CLN6: variants seen among roughly 807,000 people sequenced by gnomAD.
The protein encoded by CLN6 is ceroid-lipofuscinosis neuronal protein 6.
CLN6 carries 22 observed loss-of-function variants against 33.3 expected under a neutral mutation model. The ratio of observed to expected loss-of-function variants is 0.66; its 90% CI spans 0.47 to 0.94. The LOEUF (loss-of-function observed/expected upper bound fraction) is 0.94, where lower values mean the gene tolerates loss of function less well. Ranked by LOEUF, CLN6 falls within the 40% of genes least tolerant of loss-of-function variation. The pLI is 0.00. For synonymous variants in CLN6, 201 were observed against 174.6 expected, an observed-to-expected ratio of 1.15 and a Z score of -1.19; for missense variants, 387 against 417.1, an observed-to-expected ratio of 0.93 and a Z score of 0.63.
chr15:68,211,842 T>C lies in CLN6; in HGVS notation c.319A>G (p.Thr107Ala). The change falls in exon 4 of 7, where the codon ACC becomes GCC. Residue 107 changes from threonine to alanine, a missense_variant. Thr to Ala is a moderately conservative substitution (Grantham distance 58). Coordinates refer to ENST00000249806, the MANE Select transcript of CLN6 (RefSeq NM_017882.3). The surrounding 1 kb of genome is among the most constrained non-coding windows in gnomAD (Gnocchi z 5.9). ...LLKLIERSPR[T>A]LPRSITYVSI... ...ACGTACGTGATGGAGCGTGGCAGGG[T>C]GCGGGGGGACCGCTCGATGAGCTGG... 6.2e-7 allele frequency: 1 copy of C among 1,613,360 alleles called. No homozygotes were observed. The highest frequency in any genetic ancestry group is 8.5e-7 in the Non-Finnish European group (1 of 1,179,916).
At chr15:68,223,341 C>T (rs1296160750) in intron 1 of CLN6, among the ~76,000 whole-genome samples, 2 of 152,094 alleles carry the variant, frequency 1.3e-5, no homozygotes, top group African/African-American at 2.4e-5. Flanking sequence ...ACGGGCGGCT[C>T]GATCTTCAGA....
intron 1 of CLN6, among the ~76,000 whole-genome samples, chr15:68,224,756 A>C (rs2093247352): frequency 1.3e-5 from 2 of 152,070 alleles, no homozygotes. Context: ...AGCAACCTCA[A>C]CCCTGTCCCA....
In CLN6 at chr15:68,227,290, T is replaced by C. The variant is rs923411196; in HGVS notation, c.83+2212A>G. On this transcript the variant is annotated intron_variant, in intron 1 of 6. Transcript: ENST00000249806. The surrounding 1 kb of genome is among the most constrained non-coding windows in gnomAD (Gnocchi z 4.1). ...CTGGACTCAAGTGATCCACCCACCT[T>C]GGCCTCCCAAAGTGCTGGGATTACA... is the stretch of plus-strand genomic sequence containing the variant. 2.0e-5 allele frequency among the ~76,000 whole-genome samples: 3 copies of C among 151,988 alleles called. No individual in the cohort carries two copies. Among genetic ancestry groups the C allele is most frequent in the Non-Finnish European group, 4.4e-5 (3 of 67,962 alleles).
At chr15:68,230,268 G>A (rs1370339771), upstream of CLN6, among the ~76,000 whole-genome samples, 1 of 152,072 alleles carries the variant, frequency 6.6e-6, no homozygotes, top group Non-Finnish European at 1.5e-5. The surrounding 1 kb of genome is among the most constrained non-coding windows in gnomAD (Gnocchi z 4.0). Flanking sequence ...GGCAGTGGCC[G>A]GATTCTGCCC....
chr15:68,252,538 A>C (rs1459476278), intron 1 of CLN6, among the ~76,000 whole-genome samples: 1 of 152,240 alleles, frequency 6.6e-6, no homozygotes, highest in African/African-American at 2.4e-5. Context: ...ATATTGTGTA[A>C]ATTGGTACAA....
rs1595817402 is a variant in CLN6, at chr15:68,210,115, C to T, written c.543-356G>A. On this transcript the variant is annotated intron_variant, in intron 5 of 6. Transcript: ENST00000249806. The surrounding 1 kb of genome is among the most constrained non-coding windows in gnomAD (Gnocchi z 5.6). Reference sequence around the variant, plus strand: ...CTAGCCTGGAGACAGAGGCACCTCCCGGGCTGAGGATGGAGGTCCACATGT... The same window carrying T: ...CTAGCCTGGAGACAGAGGCACCTCCTGGGCTGAGGATGGAGGTCCACATGT... Among the ~76,000 whole-genome samples the T allele has an allele frequency of 6.6e-6, 1 of 152,050 alleles. No individual in the cohort carries two copies. The highest frequency in any genetic ancestry group is 2.4e-5 in the African/African-American group (1 of 41,384).
chr15:68,220,686 T>C lies in CLN6; in HGVS notation c.84-2036A>G, dbSNP rs1238814730. On this transcript the variant is annotated intron_variant, in intron 1 of 6. Transcript: ENST00000249806. This position sits in a 1 kb window ranked among gnomAD's most constrained non-coding sequence, Gnocchi z 4.2. ...GTTGCCAGTTCATGATCTGGCCATA[T>C]GAGCCAACACATTCCTTTTTGCTAA... Among the ~76,000 whole-genome samples the C allele has an allele frequency of 1.3e-5, 2 of 152,254 alleles. No homozygotes were observed. Among genetic ancestry groups the C allele is most frequent in the Non-Finnish European group, 2.9e-5 (2 of 68,048 alleles).
rs548463862 is a variant in CLN6 at position 68,210,052 on chromosome 15, G to A, written c.543-293C>T. ...GTAAGGGGTGTCTGGGGGGTTGTCTGTCTCATGCACCGCAGACACCAGCAG... is the reference window on the plus strand; with the variant it reads ...GTAAGGGGTGTCTGGGGGGTTGTCTATCTCATGCACCGCAGACACCAGCAG... On this transcript the variant is annotated intron_variant, in intron 5 of 6. Transcript: ENST00000249806. This position sits in a 1 kb window ranked among gnomAD's most constrained non-coding sequence, Gnocchi z 5.6. Among the ~76,000 whole-genome samples the A allele has an allele frequency of 6.6e-6, 1 of 152,294 alleles. No individual in the cohort carries two copies. The highest frequency in any genetic ancestry group is 1.9e-4 in the East Asian group (1 of 5,176).
chr15:68,225,264 C>T (rs2093248547), intron 1 of CLN6, among the ~76,000 whole-genome samples: 1 of 152,186 alleles, frequency 6.6e-6, no homozygotes, highest in African/African-American at 2.4e-5. Flanking sequence ...TTATTTGGCT[C>T]TGTTGGAACA....
At chr15:68,257,181 C>T, upstream of CLN6, 1 of 274,508 alleles carries the variant, frequency 3.6e-6, no homozygotes, top group African/African-American at 2.2e-5. Flanking sequence ...ACGCGCCCGG[C>T]GTCGCTGAGG....
rs142936862 is a variant in CLN6, at chr15:68,245,174, A to C, written c.179+11516T>G. ...TGCTTTATTTCTGCTCTTTTTTGTGATCTAAGGTAAGTTATCATCTCTTTA... is the reference window on the plus strand; with the variant it reads ...TGCTTTATTTCTGCTCTTTTTTGTGCTCTAAGGTAAGTTATCATCTCTTTA... On this transcript the variant is annotated intron_variant, in intron 1 of 6. Coordinates refer to the CLN6 transcript ENST00000538696. Among the ~76,000 whole-genome samples, 87 of 149,062 alleles carry C rather than the reference A, an allele frequency of 5.8e-4. 2 individuals carry two copies. The East Asian group carries it at 0.013, about 23-fold the overall frequency.
chr15:68,257,191 G>A (rs932917202), upstream of CLN6: 1 of 236,440 alleles, frequency 4.2e-6, no homozygotes, highest in Non-Finnish European at 8.1e-6. Flanking sequence ...CGTCGCTGAG[G>A]GCTTGCGCCA....
At position 68,256,914 on chromosome 15, in the gene CLN6, G is replaced by T. The variant is rs944883708; in HGVS notation, c.-46C>A. The T allele has an allele frequency of 1.6e-6, 1 of 637,284 alleles. No homozygotes were observed. The highest frequency in any genetic ancestry group is 1.7e-5 in the South Asian group (1 of 59,886). 39.5% of individuals were successfully genotyped at this position (637,284 alleles called of 1,614,324 possible). On this transcript the variant is annotated 5_prime_UTR_variant, in exon 1 of 7. Coordinates refer to the CLN6 transcript ENST00000538696. This position sits in a 1 kb window ranked among gnomAD's most constrained non-coding sequence, Gnocchi z 4.1. ...TGGGCGCGGCTCTGGGGAGGGTCAG[G>T]GTGCGCGTCCCACCGCGTCGTGGGG...
At position 68,242,902 on chromosome 15, in the gene CLN6, G is replaced by A. The variant is rs192311258; in HGVS notation, c.179+13788C>T. Reference sequence around the variant, plus strand: ...GACCTTATCTTCATTTCTGTCTAATGTCCTAAGCTCCACCCCAGTACATAA... The same window carrying A: ...GACCTTATCTTCATTTCTGTCTAATATCCTAAGCTCCACCCCAGTACATAA... On this transcript the variant is annotated intron_variant, in intron 1 of 6. Coordinates refer to the CLN6 transcript ENST00000538696. This position sits in a 1 kb window ranked among gnomAD's most constrained non-coding sequence, Gnocchi z 5.0. Among the ~76,000 whole-genome samples the A allele has an allele frequency of 2.0e-5, 3 of 152,256 alleles. No homozygotes were observed. Among genetic ancestry groups the A allele is most frequent in the East Asian group, 1.9e-4 (1 of 5,184 alleles).
chr15:68,211,737 A>G lies in CLN6; in HGVS notation c.424T>C (p.Tyr142His), dbSNP rs1281403441. The change falls in exon 4 of 7, where the codon TAC (tyrosine) becomes CAC (histidine). Residue 142 changes from tyrosine (Y) to histidine (H), a missense_variant. Tyr to His is a moderately conservative substitution (Grantham distance 83). Coordinates refer to ENST00000249806, the MANE Select transcript of CLN6 (RefSeq NM_017882.3). The surrounding 1 kb of genome is among the most constrained non-coding windows in gnomAD (Gnocchi z 5.9). ...TCACGGACAGACAGGTGGTGCTGGT[A>G]GCCACTGAAGAGCAGGCGGTGGTTG... ...SVNHRLLFSGYQHHLSVRENP... is the reference protein window; with the variant it reads ...SVNHRLLFSGHQHHLSVRENP... 6.2e-7 allele frequency: 1 copy of G among 1,614,018 alleles called. No individual in the cohort carries two copies. Among genetic ancestry groups the G allele is most frequent in the Non-Finnish European group, 8.5e-7 (1 of 1,180,016 alleles).
At chr15:68,252,855 C>A (rs1186594256) in intron 1 of CLN6, among the ~76,000 whole-genome samples, 2 of 152,038 alleles carry the variant, frequency 1.3e-5, no homozygotes, top group African/African-American at 2.4e-5. Context: ...TATATCTATG[C>A]CTATGATAAA....
chr15:68,226,955 A>T (rs2093254036), intron 1 of CLN6, among the ~76,000 whole-genome samples: 1 of 152,218 alleles, frequency 6.6e-6, no homozygotes, highest in Non-Finnish European at 1.5e-5. Flanking sequence ...AGAGTGGGAC[A>T]GGGATTACTA....
intron 1 of CLN6, among the ~76,000 whole-genome samples, chr15:68,255,230 C>G (rs552206552): frequency 9.5e-4 from 144 of 152,272 alleles, no homozygotes; most frequent in Middle Eastern, 3.4e-3. Context: ...AAACAAATTC[C>G]TTTCTATGTC....
At chr15:68,237,188 A>AC (rs1014278931) in intron 1 of CLN6, among the ~76,000 whole-genome samples, 1 of 147,224 alleles carries the variant, frequency 6.8e-6, no homozygotes, top group Non-Finnish European at 1.5e-5. Context: ...AAAAAAAAAA[A>AC]ACTGAATGGA....
Sources: allele counts gnomAD v4.1 joint callset (sites outside exome capture counted in the v4.1 genomes callset), GRCh38; gene constraint gnomAD v4.1.1; non-coding constraint Gnocchi (gnomAD v3.1); transcripts MANE v1.5; gene names NCBI Gene and HGNC (gene_info 2026-07-23, HGNC 2026-07-21).